The following SRC variants were observed in gnomAD, a reference collection of about 807,000 sequenced individuals.
The protein encoded by SRC is proto-oncogene tyrosine-protein kinase Src.
A neutral mutation model predicts 62.9 loss-of-function variants in SRC; 13 were observed. The observed-to-expected ratio is 0.21, with a 90% confidence interval of 0.13 to 0.33. The LOEUF (loss-of-function observed/expected upper bound fraction) is 0.33, where lower values mean the gene tolerates loss of function less well. Ranked by LOEUF, SRC falls within the 10% of genes least tolerant of loss-of-function variation. The pLI, the probability that SRC is intolerant of heterozygous loss-of-function variation, is 1.00. For synonymous variants in SRC, 302 were observed against 317.5 expected (o/e 0.95, Z 0.52); for missense variants, 457 against 737.3 (o/e 0.62, Z 4.40).
rs2070792600 is a variant in SRC at position 37,404,400 on chromosome 20, GC to G, written c.*1025del. On this transcript the variant is annotated 3_prime_UTR_variant, in exon 14 of 14. Transcript: ENST00000373578. ...GCCAGCCGGCTATGAAAGGGAGCGA[GC>G]CCCTCGGCTCTGGAGGCAATCAAGC... The G allele has an allele frequency of 4.3e-6, 1 of 233,638 alleles. No individual in the cohort carries two copies. Among genetic ancestry groups the G allele is most frequent in the Non-Finnish European group, 8.5e-6 (1 of 118,008 alleles). 14.5% of individuals were successfully genotyped at this position (233,638 alleles called of 1,614,324 possible). A position where few individuals can be genotyped will look rare whatever the true frequency, so the allele number is the denominator to read the frequency against.
intron 1 of SRC, among the ~76,000 whole-genome samples, chr20:37,346,471 G>A (rs961837446): frequency 6.6e-6 from 1 of 151,786 alleles, no homozygotes; most frequent in African/African-American, 2.4e-5. Context: ...GCAGCGGGGG[G>A]AGGGGGCTGG....
At chr20:37,378,521 G>A (rs770214819) in intron 2 of SRC, among the ~76,000 whole-genome samples, 3 of 152,228 alleles carry the variant, frequency 2.0e-5, no homozygotes, top group Middle Eastern at 3.4e-3. Flanking sequence ...TATGCCCAGA[G>A]GAGATTCTAC....
rs575293176 is a variant in SRC at position 37,403,184 on chromosome 20, C to T, written c.1416C>T (p.Arg472=). 3.4e-5 allele frequency: 53 copies of T among 1,547,432 alleles called. No homozygotes were observed. Among genetic ancestry groups the T allele is most frequent in the African/African-American group, 8.2e-5 (6 of 73,494 alleles). The change falls in exon 14 of 14, where the codon CGC becomes CGT. Residue 472 remains arginine (R), a synonymous_variant. Transcript: ENST00000373578. This position sits in a 1 kb window ranked among gnomAD's most constrained non-coding sequence, Gnocchi z 7.1. ...CTCTGCCCACAGGGATGGTGAACCG[C>T]GAGGTGCTGGACCAGGTGGAGCGGG... ...GRVPYPGMVN[R]EVLDQVERGY...
chr20:37,353,821 T>G (rs939795052), intron 1 of SRC, among the ~76,000 whole-genome samples: 3 of 152,138 alleles, frequency 2.0e-5, no homozygotes, highest in Non-Finnish European at 4.4e-5. Flanking sequence ...CCACAGTTCC[T>G]CACTGGGCAG....
At chr20:37,375,645 G>T (rs2070264643) in intron 2 of SRC, among the ~76,000 whole-genome samples, 1 of 152,122 alleles carries the variant, frequency 6.6e-6, no homozygotes, top group Non-Finnish European at 1.5e-5. Flanking sequence ...AAAGTGCTGG[G>T]ATTACAGGTG....
chr20:37,387,610 T>G (rs565477467), intron 5 of SRC, among the ~76,000 whole-genome samples: 1 of 152,356 alleles, frequency 6.6e-6, no homozygotes, highest in African/African-American at 2.4e-5. Flanking sequence ...GGCCGAGTCC[T>G]GGTGCGAAGC....
At position 37,351,012 on chromosome 20, in the gene SRC, G is replaced by A. The variant is rs150453549; in HGVS notation, c.-247+4757G>A. On this transcript the variant is annotated intron_variant, in intron 1 of 13. Coordinates refer to ENST00000373578, the MANE Select transcript of SRC (RefSeq NM_198291.3). The surrounding 1 kb of genome is among the most constrained non-coding windows in gnomAD (Gnocchi z 4.4). ...GCTGGGAGAAAAATGCAGAGCTCTT[G>A]TCTTCGATCCAGGACTCTCCCCAGC... Among the ~76,000 whole-genome samples, 3 of 152,312 alleles carry A rather than the reference G, an allele frequency of 2.0e-5. No individual in the cohort carries two copies. Among genetic ancestry groups the A allele is most frequent in the African/African-American group, 7.2e-5 (3 of 41,552 alleles).
intron 2 of SRC, among the ~76,000 whole-genome samples, chr20:37,382,308 G>C (rs1031510805): frequency 2.0e-5 from 3 of 152,214 alleles, no homozygotes; most frequent in Non-Finnish European, 4.4e-5. Context: ...AAACGGCACA[G>C]AGAGAAGTTA....
chr20:37,356,638 C>G (rs1050767298), intron 1 of SRC, among the ~76,000 whole-genome samples: 1 of 152,128 alleles, frequency 6.6e-6, no homozygotes, highest in African/African-American at 2.4e-5. Context: ...GGCAGATTCC[C>G]AAGGCGCCTG....
At chr20:37,389,138 A>G (rs1441749571) in intron 5 of SRC, among the ~76,000 whole-genome samples, 2 of 152,106 alleles carry the variant, frequency 1.3e-5, no homozygotes, top group Non-Finnish European at 2.9e-5. Context: ...TTGCTGCCAC[A>G]TGGCCCTGGG....
chr20:37,374,017 TA>T lies in SRC; in HGVS notation c.-172-8594del, dbSNP rs200855120. ...AAATTTAGAAATTGACTTGCCTAGT[TA>T]AAAAAAACTTGGGTTTTTTTTTAAT... On this transcript the variant is annotated intron_variant, in intron 2 of 13. Transcript: ENST00000373578. Among the ~76,000 whole-genome samples the T allele has an allele frequency of 1.7e-3, 243 of 143,490 alleles. 3 individuals carry two copies. The highest frequency in any genetic ancestry group is 6.4e-3 in the African/African-American group (226 of 35,360). The allele number at this position is 143,490 out of a possible 152,430, so 94.1% of individuals were successfully genotyped here. A position where few individuals can be genotyped will look rare whatever the true frequency, so the allele number is the denominator to read the frequency against.
chr20:37,382,328 C>A (rs990400919), intron 2 of SRC, among the ~76,000 whole-genome samples: 1 of 152,188 alleles, frequency 6.6e-6, no homozygotes, highest in Non-Finnish European at 1.5e-5. Context: ...AAGTCACATG[C>A]CTAAGGTTAC....
At chr20:37,368,063 T>A (rs1431387010) in intron 2 of SRC, among the ~76,000 whole-genome samples, 1 of 152,216 alleles carries the variant, frequency 6.6e-6, no homozygotes, top group African/African-American at 2.4e-5. Context: ...AAGTTTTTAA[T>A]TGTGATGAAG....
At chr20:37,373,027 C>T (rs2146989032) in intron 2 of SRC, among the ~76,000 whole-genome samples, 1 of 151,086 alleles carries the variant, frequency 6.6e-6, no homozygotes, top group Middle Eastern at 3.4e-3. Flanking sequence ...TATATATACA[C>T]ATATATACAC....
intron 1 of SRC, among the ~76,000 whole-genome samples, chr20:37,352,802 C>T (rs757515950): frequency 2.0e-5 from 3 of 152,164 alleles, no homozygotes; most frequent in East Asian, 3.9e-4. Flanking sequence ...CCTGCCTGAC[C>T]GGGGTTATCG....
chr20:37,403,113 T>TC lies in SRC; in HGVS notation c.1403-53dup. 1 of 1,473,746 alleles carries TC rather than the reference T, an allele frequency of 6.8e-7. No individual in the cohort carries two copies. Among genetic ancestry groups the TC allele is most frequent in the South Asian group, 1.3e-5 (1 of 75,526 alleles). The allele number at this position is 1,473,746 out of a possible 1,614,324, so 91.3% of individuals were successfully genotyped here. A position where few individuals can be genotyped will look rare whatever the true frequency, so the allele number is the denominator to read the frequency against. On this transcript the variant is annotated intron_variant, in intron 13 of 13. Coordinates refer to ENST00000373578, the MANE Select transcript of SRC (RefSeq NM_198291.3). This position sits in a 1 kb window ranked among gnomAD's most constrained non-coding sequence, Gnocchi z 7.1. ...GCCCTCGCTGCCCTCCCCATCAGCT[T>TC]CCCCCACCCCACTTTCCTCACCGGA...
intron 2 of SRC, among the ~76,000 whole-genome samples, chr20:37,373,416 C>T (rs544996270): frequency 1.4e-3 from 216 of 149,820 alleles, no homozygotes; most frequent in Non-Finnish European, 2.0e-3. Context: ...CGCATATATA[C>T]GCATATATGC....
At chr20:37,390,680 C>T (rs1447758426) in intron 5 of SRC, among the ~76,000 whole-genome samples, 1 of 152,186 alleles carries the variant, frequency 6.6e-6, no homozygotes, top group Non-Finnish European at 1.5e-5. Flanking sequence ...GTTGGGATCA[C>T]AGGCGTGAGC....
chr20:37,367,688 C>T (rs918521979), intron 2 of SRC, among the ~76,000 whole-genome samples: 2 of 151,604 alleles, frequency 1.3e-5, no homozygotes, highest in Admixed American at 1.3e-4. Context: ...ACTCTGCCAC[C>T]CAGGCTGGAG....
Sources: allele counts gnomAD v4.1 joint callset (sites outside exome capture counted in the v4.1 genomes callset), GRCh38; gene constraint gnomAD v4.1.1; non-coding constraint Gnocchi (gnomAD v3.1); transcripts MANE v1.5; gene names NCBI Gene and HGNC (gene_info 2026-07-23, HGNC 2026-07-21).